The following EPHA3 variants were observed in gnomAD, a reference collection of about 807,000 sequenced individuals.
The protein encoded by EPHA3 is EPH receptor A3, also known as ephrin type-A receptor 3.
A neutral mutation model predicts 107.1 loss-of-function variants in EPHA3; 42 were observed. The observed-to-expected ratio is 0.39, with a 90% confidence interval of 0.31 to 0.51. EPHA3 has a LOEUF of 0.51. Among genes scored for constraint, EPHA3 ranks in the 20% least tolerant of loss-of-function variants. EPHA3 has a pLI of 0.78. For missense variants in EPHA3, 1,183 were observed against 1,211.2 expected (o/e 0.98, Z 0.35); for synonymous variants, 461 against 424.8 (o/e 1.09, Z -1.05).
At chr3:89,171,670 G>T (rs565112959) in intron 2 of EPHA3, among the ~76,000 whole-genome samples, 26 of 152,152 alleles carry the variant, frequency 1.7e-4, no homozygotes, top group Admixed American at 1.4e-3. Flanking sequence ...TTGCTAAAAG[G>T]TTATATGTTT....
At chr3:89,226,438 A>T (rs1317218097) in intron 3 of EPHA3, among the ~76,000 whole-genome samples, 1 of 152,156 alleles carries the variant, frequency 6.6e-6, no homozygotes, top group Non-Finnish European at 1.5e-5. Flanking sequence ...CTTTTTCCTA[A>T]ACGTTCCAGG....
chr3:89,285,998 T>A (rs1484378654), intron 3 of EPHA3, among the ~76,000 whole-genome samples: 2 of 152,048 alleles, frequency 1.3e-5, no homozygotes, highest in East Asian at 3.9e-4. Flanking sequence ...CTGCATATGG[T>A]GATCTTGTTA....
At chr3:89,380,623 T>G (rs1708482602) in intron 5 of EPHA3, among the ~76,000 whole-genome samples, 1 of 152,172 alleles carries the variant, frequency 6.6e-6, no homozygotes, top group Non-Finnish European at 1.5e-5. Context: ...GAAAAGGGGT[T>G]TAGCTTATAA....
intron 5 of EPHA3, among the ~76,000 whole-genome samples, chr3:89,363,660 T>C (rs568726479): frequency 6.6e-6 from 1 of 150,510 alleles, no homozygotes; most frequent in East Asian, 2.0e-4. Context: ...AATTTAACCA[T>C]CATAGTCAGT....
intron 3 of EPHA3, among the ~76,000 whole-genome samples, chr3:89,269,010 A>G (rs1300385231): frequency 6.6e-6 from 1 of 152,016 alleles, no homozygotes; most frequent in African/African-American, 2.4e-5. Context: ...TAGAATTTTA[A>G]AAGTAATATG....
Position 89,340,935 on chromosome 3 carries a change from C to T in EPHA3, c.834C>T (p.Tyr278=), listed in dbSNP as rs751588436. Reference sequence around the variant, plus strand: ...TTGTAGCTTGTCGACCAGGTTTCTACAAGGCATTGGATGGTAATATGAAGT... The same window carrying T: ...TTGTAGCTTGTCGACCAGGTTTCTATAAGGCATTGGATGGTAATATGAAGT... ...FMCQACRPGF[Y]KALDGNMKCA... Residue 278 remains tyrosine (Y), a synonymous_variant, in exon 4 of 17, where the codon TAC becomes TAT. Transcript: ENST00000336596. 88 of 1,609,838 alleles carry T rather than the reference C, an allele frequency of 5.5e-5. 2 individuals are homozygous for T. The South Asian group carries it at 9.8e-4, about 18-fold the overall frequency.
At chr3:89,168,985 G>A (rs776615579) in intron 2 of EPHA3, among the ~76,000 whole-genome samples, 1 of 151,990 alleles carries the variant, frequency 6.6e-6, no homozygotes, top group Non-Finnish European at 1.5e-5. Flanking sequence ...CAAATACTCA[G>A]AACACAATAT....
rs549188494 is a variant in EPHA3, at chr3:89,341,617, C to A, written c.971-138C>A. ...TCCATGTGTCTATAATATCATGGAT[C>A]CTCTAAGGATGAACTGAAAGTTGAT... On this transcript the variant is annotated intron_variant, in intron 4 of 16. Coordinates refer to ENST00000336596, the MANE Select transcript of EPHA3 (RefSeq NM_005233.6). The A allele has an allele frequency of 1.6e-3, 1,157 of 701,886 alleles. 1 individual carries two copies. The highest frequency in any genetic ancestry group is 2.4e-3 in the Non-Finnish European group (1,016 of 429,746). 43.5% of individuals were successfully genotyped at this position (701,886 alleles called of 1,614,324 possible).
intron 3 of EPHA3, among the ~76,000 whole-genome samples, chr3:89,295,215 G>A (rs1444079170): frequency 6.6e-6 from 1 of 152,172 alleles, no homozygotes; most frequent in Non-Finnish European, 1.5e-5. Flanking sequence ...GTGTGCAATA[G>A]TGGTATGTCT....
At chr3:89,256,700 G>A (rs1352130027) in intron 3 of EPHA3, among the ~76,000 whole-genome samples, 1 of 152,170 alleles carries the variant, frequency 6.6e-6, no homozygotes, top group African/African-American at 2.4e-5. Flanking sequence ...TGAATTTCAA[G>A]CCCAGAGTCT....
At chr3:89,386,778 G>A (rs142412360) in intron 5 of EPHA3, among the ~76,000 whole-genome samples, 2,437 of 152,254 alleles carry the variant, frequency 0.016, 67 homozygotes, top group African/African-American at 0.055. Flanking sequence ...CTGTACCCTG[G>A]AAAACCCAAG....
intron 5 of EPHA3, among the ~76,000 whole-genome samples, chr3:89,364,499 A>T (rs1240215202): frequency 6.6e-6 from 1 of 151,184 alleles, no homozygotes; most frequent in East Asian, 1.9e-4. Context: ...GGCTGCAGAC[A>T]GGCAGAAAAT....
chr3:89,286,091 A>T (rs1156362530), intron 3 of EPHA3, among the ~76,000 whole-genome samples: 3 of 150,362 alleles, frequency 2.0e-5, no homozygotes, highest in Non-Finnish European at 4.4e-5. Context: ...GTAAGTTTCA[A>T]ACTTTAAACT....
chr3:89,409,324 A>C (rs1174555445), intron 9 of EPHA3, among the ~76,000 whole-genome samples: 1 of 151,936 alleles, frequency 6.6e-6, no homozygotes, highest in East Asian at 1.9e-4. Context: ...CCCACAAAAC[A>C]CTAGTGTTAC....
Position 89,404,657 on chromosome 3 carries a change from C to A in EPHA3, c.1595-2612C>A, listed in dbSNP as rs1709023284. On this transcript the variant is annotated intron_variant, in intron 7 of 16. Coordinates refer to ENST00000336596, the MANE Select transcript of EPHA3 (RefSeq NM_005233.6). ...TGCTAATTTTAGCAATGGAAATGAT[C>A]TGATTTAGTTATGTGCTTTAGATAG... 2.0e-5 allele frequency among the ~76,000 whole-genome samples: 3 copies of A among 152,124 alleles called. No individual in the cohort carries two copies. In the South Asian group the frequency reaches 6.2e-4, roughly 31 times the overall value.
intron 13 of EPHA3, among the ~76,000 whole-genome samples, chr3:89,432,372 G>A (rs371274599): frequency 2.6e-5 from 4 of 151,970 alleles, no homozygotes; most frequent in African/African-American, 9.7e-5. Context: ...TTCTGTTGTT[G>A]TTTTGTTTTG....
chr3:89,210,549 C>T (rs1706252621), intron 3 of EPHA3, 29 bp downstream of exon 3: 4 of 1,513,960 alleles, frequency 2.6e-6, no homozygotes, highest in African/African-American at 2.8e-5. Flanking sequence ...TTTCTTTGAG[C>T]AATATTTCTC....
chr3:89,220,987 G>A (rs1704359476), intron 3 of EPHA3, among the ~76,000 whole-genome samples: 1 of 152,106 alleles, frequency 6.6e-6, no homozygotes, highest in African/African-American at 2.4e-5. Flanking sequence ...ATAGAAAACT[G>A]GAGGCTTAGA....
chr3:89,196,576 C>T (rs1705841473), intron 2 of EPHA3, among the ~76,000 whole-genome samples: 1 of 148,238 alleles, frequency 6.7e-6, no homozygotes, highest in South Asian at 2.1e-4. Context: ...GATGTCCAAA[C>T]TCAGTTGGAA....
Sources: allele counts gnomAD v4.1 joint callset (sites outside exome capture counted in the v4.1 genomes callset), GRCh38; gene constraint gnomAD v4.1.1; transcripts MANE v1.5; gene names NCBI Gene and HGNC (gene_info 2026-07-23, HGNC 2026-07-21).